The following ACSS1 variants were observed in gnomAD, a reference collection of about 807,000 sequenced individuals.
ACSS1 encodes the protein acyl-CoA synthetase short chain family member 1.
ACSS1 carries 42 observed loss-of-function variants against 75.3 expected under a neutral mutation model. The observed-to-expected ratio is 0.56, with a 90% CI of 0.44 to 0.72. ACSS1 has a LOEUF of 0.72. Ranked by LOEUF, ACSS1 falls within the 30% of genes least tolerant of loss-of-function variation. The probability of loss-of-function intolerance (pLI) is 0.00; values close to 1 mark genes in which losing one functional copy is unlikely to be tolerated. For synonymous variants in ACSS1, 380 were observed against 376.8 expected (o/e 1.01, Z -0.10); for missense variants, 782 against 935.7 (o/e 0.84, Z 2.14).
intron 1 of ACSS1, among the ~76,000 whole-genome samples, chr20:25,049,669 C>G (rs1479999047): frequency 6.6e-6 from 1 of 152,152 alleles, no homozygotes; most frequent in African/African-American, 2.4e-5. Context: ...GGGGCTGAAA[C>G]AATAATTACT....
chr20:25,035,018 C>A (rs1346854091), intron 2 of ACSS1, among the ~76,000 whole-genome samples: 1 of 151,882 alleles, frequency 6.6e-6, no homozygotes, highest in African/African-American at 2.4e-5. Context: ...TCAGCCCAGC[C>A]GGAGTAGCTG....
chr20:25,046,771 A>C (rs950207691), intron 2 of ACSS1: 61 of 779,242 alleles, frequency 7.8e-5, no homozygotes, highest in Non-Finnish European at 7.2e-5. Context: ...TCCAGTGTGC[A>C]GGGGCCACCT....
chr20:25,035,022 G>C (rs6132790), intron 2 of ACSS1, among the ~76,000 whole-genome samples: 19,757 of 151,840 alleles, frequency 0.13, 1,578 homozygotes, highest in Middle Eastern at 0.23. Flanking sequence ...CCCAGCCGGA[G>C]TAGCTGGGAC....
intron 7 of ACSS1, among the ~76,000 whole-genome samples, chr20:25,016,190 C>T (rs1041259234): frequency 6.6e-6 from 1 of 152,096 alleles, no homozygotes; most frequent in Admixed American, 6.5e-5. Context: ...GCTGTGTGAT[C>T]CCACCCAGCT....
chr20:25,040,028 C>G (rs1169025752), intron 2 of ACSS1, among the ~76,000 whole-genome samples: 1 of 152,222 alleles, frequency 6.6e-6, no homozygotes, highest in African/African-American at 2.4e-5. Context: ...GAACATTCGC[C>G]CCTGGCTGGA....
intron 7 of ACSS1, among the ~76,000 whole-genome samples, chr20:25,017,159 C>A (rs994374794): frequency 6.6e-6 from 1 of 152,022 alleles, no homozygotes; most frequent in African/African-American, 2.4e-5. Flanking sequence ...ACGCCCAGCT[C>A]CTAAGGACAT....
intron 12 of ACSS1, 174 bp downstream of exon 12, chr20:25,012,427 G>T: frequency 1.3e-6 from 1 of 756,682 alleles, no homozygotes; most frequent in Non-Finnish European, 2.2e-6. Context: ...GACCGAACAC[G>T]AGTGCTATTC....
chr20:25,057,536 C>T (rs2089259813), intron 1 of ACSS1, among the ~76,000 whole-genome samples: 1 of 152,212 alleles, frequency 6.6e-6, no homozygotes, highest in African/African-American at 2.4e-5. Context: ...GCCGCCGGGT[C>T]CCCGCGGGCG....
intron 2 of ACSS1, among the ~76,000 whole-genome samples, chr20:25,047,163 C>G (rs548655829): frequency 6.6e-6 from 1 of 152,222 alleles, no homozygotes; most frequent in South Asian, 2.1e-4. Flanking sequence ...AGTGCCCCTT[C>G]GCCCCCAGGT....
chr20:25,052,120 A>G (rs2089182858), intron 1 of ACSS1, among the ~76,000 whole-genome samples: 1 of 152,140 alleles, frequency 6.6e-6, no homozygotes, highest in Non-Finnish European at 1.5e-5. Flanking sequence ...GGTTCCTGCT[A>G]GTGCTTCAAT....
intron 8 of ACSS1, 58 bp from the exon 9 acceptor site, chr20:25,014,131 T>A: frequency 7.1e-7 from 1 of 1,409,504 alleles, no homozygotes; most frequent in Non-Finnish European, 9.7e-7. Context: ...GATACGTGTA[T>A]CCAGAGTGGG....
chr20:25,015,058 C>T, intron 8 of ACSS1, 80 bp downstream of exon 8: 1 of 1,294,680 alleles, frequency 7.7e-7, no homozygotes, highest in South Asian at 1.4e-5. Context: ...CTGTTGAGAG[C>T]TTGGACCCCA....
In ACSS1 at chr20:25,007,669, C is replaced by G. The variant is rs754206027; in HGVS notation, c.*93G>C. 6.5e-7 allele frequency: 1 copy of G among 1,543,572 alleles called. No individual in the cohort carries two copies. The highest frequency in any genetic ancestry group is 1.9e-5 in the Admixed American group (1 of 53,450). ...TGTGGGGTGGGGGCTGCTTCTGGGA[C>G]GTAGGAAGACGCCAACCTCAGGGGT... On this transcript the variant is annotated 3_prime_UTR_variant, in exon 14 of 14. Coordinates refer to ENST00000323482, the MANE Select transcript of ACSS1 (RefSeq NM_032501.4).
intron 1 of ACSS1, among the ~76,000 whole-genome samples, chr20:25,052,003 C>T (rs1033620449): frequency 4.6e-5 from 7 of 152,178 alleles, no homozygotes; most frequent in Non-Finnish European, 2.9e-5. Flanking sequence ...TTCTGGCCAC[C>T]ATGGCTGGTG....
intron 2 of ACSS1, among the ~76,000 whole-genome samples, chr20:25,033,730 C>T (rs1032576690): frequency 5.9e-5 from 9 of 152,214 alleles, no homozygotes; most frequent in African/African-American, 2.2e-4. Context: ...TGAAGGTGTG[C>T]AGGGCACTGA....
chr20:25,019,495 G>A (rs2088578910), intron 7 of ACSS1, among the ~76,000 whole-genome samples: 1 of 152,228 alleles, frequency 6.6e-6, no homozygotes, highest in Non-Finnish European at 1.5e-5. Context: ...CTATGGGGCA[G>A]TGTTTAGCAA....
At chr20:25,014,331 C>T (rs552720099) in intron 8 of ACSS1, among the ~76,000 whole-genome samples, 16 of 152,352 alleles carry the variant, frequency 1.1e-4, no homozygotes, top group African/African-American at 3.8e-4. Flanking sequence ...CAGGCCCTTG[C>T]TTGAAGTGGG....
At position 25,057,808 on chromosome 20, in the gene ACSS1, T is replaced by G. The variant is rs1479860404; in HGVS notation, c.295A>C (p.Lys99Gln). ...TVWDCDFSTG[K>Q]IGWFLGGQLN... Reference sequence around the variant, plus strand: ...TGGCCTCCCAGGAACCAGCCGATCTTGCCAGTGCTGAAGTCGCAGTCCCAG... The same window carrying G: ...TGGCCTCCCAGGAACCAGCCGATCTGGCCAGTGCTGAAGTCGCAGTCCCAG... Residue 99 changes from lysine to glutamine, a missense_variant, in exon 1 of 14, where the codon AAG becomes CAG. Physicochemically the swap from Lys to Gln is moderately conservative, Grantham distance 53. Transcript: ENST00000323482. 6.2e-7 allele frequency: 1 copy of G among 1,600,406 alleles called. No homozygotes were observed.
intron 2 of ACSS1, chr20:25,031,278 C>T (rs980533247): frequency 7.2e-5 from 29 of 403,612 alleles, no homozygotes; most frequent in Non-Finnish European, 1.2e-4. Flanking sequence ...AGAATCAATT[C>T]CATCTTAAAA....
Sources: allele counts gnomAD v4.1 joint callset (sites outside exome capture counted in the v4.1 genomes callset), GRCh38; gene constraint gnomAD v4.1.1; transcripts MANE v1.5; gene names NCBI Gene and HGNC (gene_info 2026-07-23, HGNC 2026-07-21).